Variants in SLC1A5 observed in about 807,000 individuals in gnomAD.
SLC1A5 encodes the protein solute carrier family 1 member 5, also known as neutral amino acid transporter B(0).
Under a neutral mutation model 34.9 loss-of-function variants are expected in SLC1A5, and 25 were observed. That is an observed-to-expected ratio of 0.72 (90% CI 0.52 to 1.00). The LOEUF (loss-of-function observed/expected upper bound fraction) is 1.00, where lower values mean the gene tolerates loss of function less well. Among genes scored for constraint, SLC1A5 ranks in the 50% least tolerant of loss-of-function variants. The pLI is 0.00. For missense variants in SLC1A5, 637 were observed against 740.0 expected, an observed-to-expected ratio of 0.86 and a Z score of 1.61; for synonymous variants, 351 against 341.2, an observed-to-expected ratio of 1.03 and a Z score of -0.32.
rs2055070154 is a variant in SLC1A5 at position 46,774,912 on chromosome 19, A to T, written c.*598T>A. ...ATAGTTGACACTCAATTTTATTGCTAAAAAAAATGTCCTCTGGAGTGACAG... is the reference window on the plus strand; with the variant it reads ...ATAGTTGACACTCAATTTTATTGCTTAAAAAAATGTCCTCTGGAGTGACAG... On this transcript the variant is annotated 3_prime_UTR_variant, in exon 8 of 8. Transcript: ENST00000542575. 1.0e-6 allele frequency: 1 copy of T among 982,822 alleles called. No homozygotes were observed. Among genetic ancestry groups the T allele is most frequent in the South Asian group, 4.7e-5 (1 of 21,198 alleles). The allele number at this position is 982,822 out of a possible 1,614,324, so 60.9% of individuals were successfully genotyped here.
rs1288448456 is a variant in SLC1A5, at chr19:46,787,410, C to A, written c.556G>T (p.Asp186Tyr). The change falls in exon 1 of 8, where the codon GAT (aspartate) becomes TAT (tyrosine). Residue 186 changes from aspartate (D) to tyrosine (Y), a missense_variant. Asp to Tyr is a radical substitution (Grantham distance 160). Transcript: ENST00000542575. The surrounding 1 kb of genome is among the most constrained non-coding windows in gnomAD (Gnocchi z 5.2). ...GGAGCGGGAGCTGACCTCGCAAGAT[C>A]CAGGAACGAATCGAGCACCTCCTTG... ...PSKEVLDSFL[D>Y]LARNIFPSNL... 3.8e-6 allele frequency: 6 copies of A among 1,598,374 alleles called. No individual in the cohort carries two copies. Among genetic ancestry groups the A allele is most frequent in the Non-Finnish European group, 5.1e-6 (6 of 1,173,480 alleles).
Position 46,777,332 on chromosome 19 carries a change from T to C in SLC1A5, c.1132A>G (p.Ile378Val), listed in dbSNP as rs750883549. 1.7e-5 allele frequency: 28 copies of C among 1,613,522 alleles called. No individual in the cohort carries two copies. The Admixed American group carries it at 4.0e-4, about 23-fold the overall frequency. The change falls in exon 6 of 8, where the codon ATC (isoleucine) becomes GTC (valine). Residue 378 changes from isoleucine to valine, a missense_variant. Physicochemically the swap from Ile to Val is conservative, Grantham distance 29 (BLOSUM62 3). Coordinates refer to ENST00000542575, the MANE Select transcript of SLC1A5 (RefSeq NM_005628.3). ...TTGACGGTGGCGCCGATGGGCAGGA[T>C]GAAACGGCTGATGTGCTTGGCCACG... ...NGVAKHISRF[I>V]LPIGATVNMD... is the part of the protein sequence containing the mutation.
intron 3 of SLC1A5, 37 bp downstream of exon 3, chr19:46,784,060 A>G: frequency 6.4e-7 from 1 of 1,569,946 alleles, no homozygotes. Flanking sequence ...GCAATAGGCA[A>G]AGAGGTAGAG....
intron 4 of SLC1A5, among the ~76,000 whole-genome samples, chr19:46,780,146 T>C (rs10403758): frequency 0.79 from 119,927 of 151,810 alleles, 47,836 homozygotes; most frequent in African/African-American, 0.89. Context: ...GCCTCCGTAC[T>C]GGGCCACCCA....
Position 46,778,698 on chromosome 19 carries a change from G to A in SLC1A5, c.1035C>T (p.Ala345=), listed in dbSNP as rs190518828. Residue 345 remains alanine, a synonymous_variant, in exon 5 of 8, where the codon GCC becomes GCT. Coordinates refer to ENST00000542575, the MANE Select transcript of SLC1A5 (RefSeq NM_005628.3). ...RFLWGIVTPL[A]TAFGTSSSSA... ...ACCTGGAAGAGGTCCCAAAGGCAGT[G>A]GCCAGCGGCGTCACGATGCCCCACA... 2.4e-5 allele frequency: 38 copies of A among 1,597,434 alleles called. 1 individual carries two copies. The highest frequency in any genetic ancestry group is 1.7e-4 in the Middle Eastern group (1 of 5,976).
Position 46,787,986 on chromosome 19 carries a change from CT to C in SLC1A5, c.-22del. The C allele has an allele frequency of 6.5e-7, 1 of 1,528,732 alleles. No homozygotes were observed. 94.7% of individuals were successfully genotyped at this position (1,528,732 alleles called of 1,614,324 possible). A position where few individuals can be genotyped will look rare whatever the true frequency, so the allele number is the denominator to read the frequency against. On this transcript the variant is annotated 5_prime_UTR_variant, in exon 1 of 8. Coordinates refer to ENST00000542575, the MANE Select transcript of SLC1A5 (RefSeq NM_005628.3). This position sits in a 1 kb window ranked among gnomAD's most constrained non-coding sequence, Gnocchi z 5.2. ...ACCATGATGGGAAGCACCGGGGTTT[CT>C]TAGCGCCTGGAAGCTGGCTGGGAGC...
chr19:46,775,515 T>C lies in SLC1A5; in HGVS notation c.1621A>G (p.Met541Val). 3.1e-6 allele frequency: 5 copies of C among 1,608,712 alleles called. No homozygotes were observed. Among genetic ancestry groups the C allele is most frequent in the South Asian group, 2.2e-5 (2 of 90,328 alleles). The change falls in exon 8 of 8, where the codon ATG becomes GTG. Residue 541 changes from methionine (M) to valine (V), a missense_variant. Transcript: ENST00000542575. ...GGGAAGGTCCCTCCCGGGGTTTACA[T>C]GACTGATTCCTTCTCAGAGGCGACC... is the stretch of plus-strand genomic sequence containing the variant. ...ATVASEKESVM is the reference protein window; with the variant it reads ...ATVASEKESVV
At chr19:46,782,346 A>ACCACCCCCCCCC in intron 4 of SLC1A5, 37 bp downstream of exon 4, 1 of 567,986 alleles carries the variant, frequency 1.8e-6, no homozygotes. Context: ...CGACCCTCCA[A>ACCACCCCCCCCC]CCCCACCCAC....
In SLC1A5 at chr19:46,784,500, C is replaced by T; in HGVS notation, c.609+17G>A. 1.2e-6 allele frequency: 2 copies of T among 1,613,714 alleles called. No homozygotes were observed. Among genetic ancestry groups the T allele is most frequent in the South Asian group, 1.1e-5 (1 of 91,080 alleles). ...CCTGTCCACCCCCATCCCCTCAGGA[C>T]ACCCCTGAGGACTCACTGAGCGAAA... On this transcript the variant is annotated intron_variant, in intron 2 of 7. Coordinates refer to ENST00000542575, the MANE Select transcript of SLC1A5 (RefSeq NM_005628.3).
In SLC1A5 at chr19:46,774,889, A is replaced by T; in HGVS notation, c.*621T>A. ...AATTCTCAAGAACACCTGATTAAAT[A>T]GTTGACACTCAATTTTATTGCTAAA... On this transcript the variant is annotated 3_prime_UTR_variant, in exon 8 of 8. Coordinates refer to ENST00000542575, the MANE Select transcript of SLC1A5 (RefSeq NM_005628.3). 1.0e-6 allele frequency: 1 copy of T among 985,928 alleles called. No individual in the cohort carries two copies. Among genetic ancestry groups the T allele is most frequent in the Non-Finnish European group, 1.2e-6 (1 of 830,042 alleles). 61.1% of individuals were successfully genotyped at this position (985,928 alleles called of 1,614,324 possible).
chr19:46,778,372 G>A (rs1020418950), intron 5 of SLC1A5, among the ~76,000 whole-genome samples: 2 of 152,126 alleles, frequency 1.3e-5, no homozygotes, highest in Non-Finnish European at 1.5e-5. Context: ...AGGTTGCAGT[G>A]AGCTGAGATC....
intron 1 of SLC1A5, chr19:46,784,782 C>T (rs996652256): frequency 1.5e-4 from 212 of 1,441,284 alleles, no homozygotes; most frequent in Non-Finnish European, 1.7e-4. Flanking sequence ...AAGAGGCTGG[C>T]GTGCTAGCCC....
intron 1 of SLC1A5, among the ~76,000 whole-genome samples, chr19:46,785,285 G>A (rs1318015600): frequency 6.6e-6 from 1 of 152,182 alleles, no homozygotes; most frequent in Non-Finnish European, 1.5e-5. Flanking sequence ...GGAGGCTGAG[G>A]TGGGAGGATC....
chr19:46,782,351 A>ACCCCCCCCC, intron 4 of SLC1A5, 32 bp downstream of exon 4: 6 of 256,174 alleles, frequency 2.3e-5, no homozygotes, highest in African/African-American at 6.2e-5. Context: ...CTCCAACCCC[A>ACCCCCCCCC]CCCACCCCCA....
intron 4 of SLC1A5, among the ~76,000 whole-genome samples, chr19:46,779,778 A>T (rs1351688314): frequency 1.3e-5 from 2 of 151,914 alleles, no homozygotes; most frequent in Non-Finnish European, 2.9e-5. Flanking sequence ...CATACCTGTA[A>T]TCCCAGCATG....
chr19:46,780,922 G>A (rs1458826267), intron 4 of SLC1A5, among the ~76,000 whole-genome samples: 2 of 152,168 alleles, frequency 1.3e-5, no homozygotes, highest in Admixed American at 1.3e-4. Flanking sequence ...AGTGAGCTGA[G>A]ACTGTGCCAC....
At chr19:46,777,733 C>T (rs1319246030) in intron 5 of SLC1A5, among the ~76,000 whole-genome samples, 1 of 146,624 alleles carries the variant, frequency 6.8e-6, no homozygotes, top group Non-Finnish European at 1.5e-5. Flanking sequence ...CCTGCCCATA[C>T]CACCTGCCCA....
Position 46,788,068 on chromosome 19 carries a change from C to T in SLC1A5, c.-103G>A. The T allele has an allele frequency of 9.3e-7, 1 of 1,071,832 alleles. No individual in the cohort carries two copies. The highest frequency in any genetic ancestry group is 1.6e-5 in the African/African-American group (1 of 60,794). 66.4% of individuals were successfully genotyped at this position (1,071,832 alleles called of 1,614,324 possible). On this transcript the variant is annotated 5_prime_UTR_variant, in exon 1 of 8. Coordinates refer to ENST00000542575, the MANE Select transcript of SLC1A5 (RefSeq NM_005628.3). ...CTAGGACTGAGTTGAGTAACAGCAC[C>T]TGGAGACTGGAACTTTGGAGGGCTC...
intron 3 of SLC1A5, among the ~76,000 whole-genome samples, chr19:46,783,365 A>T: frequency 6.6e-6 from 1 of 151,502 alleles, no homozygotes; most frequent in East Asian, 1.9e-4. Context: ...CAGGAGGCTG[A>T]GGCAAGAGAA....
Sources: gnomAD v4.1 joint callset for allele counts (sites outside exome capture counted in the v4.1 genomes callset) on GRCh38, gnomAD v4.1.1 for gene constraint, Gnocchi (gnomAD v3.1) non-coding constraint, MANE v1.5 for transcripts, NCBI Gene and HGNC (gene_info 2026-07-23, HGNC 2026-07-21) for gene names.